Variants in JAK2 observed in about 807,000 individuals in gnomAD.
JAK2 encodes Janus kinase 2, also known as tyrosine-protein kinase JAK2.
In JAK2, 86 loss-of-function variants were observed where a neutral mutation model predicts 139.3. The observed-to-expected ratio is 0.62, with a 90% CI of 0.52 to 0.74. The LOEUF (loss-of-function observed/expected upper bound fraction) is 0.74, where lower values mean the gene tolerates loss of function less well. JAK2 is among the 30% of genes least tolerant of loss of function. The probability of loss-of-function intolerance (pLI) is 0.00; values close to 1 mark genes in which losing one functional copy is unlikely to be tolerated. For synonymous variants in JAK2, 490 were observed against 437.7 expected, an observed-to-expected ratio of 1.12 and a Z score of -1.49; for missense variants, 1,421 against 1,360.3, an observed-to-expected ratio of 1.04 and a Z score of -0.70.
intron 4 of JAK2, among the ~76,000 whole-genome samples, chr9:5,042,783 A>C (rs2130307164): frequency 6.6e-6 from 1 of 152,292 alleles, no homozygotes; most frequent in Non-Finnish European, 1.5e-5. Context: ...AGGCCTCCCC[A>C]AAACTAAAGG....
At chr9:5,007,512 G>T (rs539532209) in intron 2 of JAK2, among the ~76,000 whole-genome samples, 1 of 152,028 alleles carries the variant, frequency 6.6e-6, no homozygotes, top group African/African-American at 2.4e-5. Context: ...CAATGCATAC[G>T]TGAGTTTTTT....
rs1818056279 is a variant in JAK2 at position 5,060,112 on chromosome 9, ACAGC to A, written c.1056+4325_1056+4328del. On this transcript the variant is annotated intron_variant, in intron 8 of 24. Transcript: ENST00000381652. Reference sequence around the variant, plus strand: ...TATAATCAAGTCTACTAAGTGTGCAACAGCATTATGTCTTAAAAATTAATTTAAA... The same window carrying A: ...TATAATCAAGTCTACTAAGTGTGCAAATTATGTCTTAAAAATTAATTTAAA... Among the ~76,000 whole-genome samples, 4 of 152,230 alleles carry A rather than the reference ACAGC, an allele frequency of 2.6e-5. No individual in the cohort carries two copies. In the East Asian group the frequency reaches 7.7e-4, roughly 29 times the overall value.
intron 2 of JAK2, among the ~76,000 whole-genome samples, chr9:5,005,620 T>G (rs1019655696): frequency 1.2e-4 from 19 of 152,342 alleles, no homozygotes; most frequent in Admixed American, 5.9e-4. Flanking sequence ...CCAGTGTAAT[T>G]TTTTTCCTTT....
At chr9:5,104,638 A>AC (rs1205439917) in intron 22 of JAK2, among the ~76,000 whole-genome samples, 1 of 152,226 alleles carries the variant, frequency 6.6e-6, no homozygotes, top group Admixed American at 6.5e-5. Context: ...TCCCTGATGA[A>AC]CGTCGATGTG....
At chr9:5,040,855 G>T (rs528755105) in intron 4 of JAK2, 1 of 227,934 alleles carries the variant, frequency 4.4e-6, no homozygotes, top group African/African-American at 2.4e-5. Flanking sequence ...GCGCGAGCAG[G>T]AGAGGGGCCG....
chr9:4,990,571 G>A (rs1820184088), intron 2 of JAK2, among the ~76,000 whole-genome samples: 1 of 151,966 alleles, frequency 6.6e-6, no homozygotes, highest in South Asian at 2.1e-4. Context: ...TAATTAGCGG[G>A]TGGGTGAAAG....
rs774837906 is a variant in JAK2 at position 5,128,030 on chromosome 9, T to C, written c.*1239T>C. ...GGTTGTTCGTTGTTGTCATTTGTTA[T>C]AGTGCTACTCCACTTTAGACACCAT... On this transcript the variant is annotated 3_prime_UTR_variant, in exon 25 of 25. Coordinates refer to ENST00000381652, the MANE Select transcript of JAK2 (RefSeq NM_004972.4). 4.3e-6 allele frequency: 1 copy of C among 232,394 alleles called. No homozygotes were observed. Among genetic ancestry groups the C allele is most frequent in the Non-Finnish European group, 8.5e-6 (1 of 117,432 alleles). 14.4% of individuals were successfully genotyped at this position (232,394 alleles called of 1,614,324 possible). A position where few individuals can be genotyped will look rare whatever the true frequency, so the allele number is the denominator to read the frequency against.
At chr9:5,036,778 A>T (rs962428696) in intron 4 of JAK2, among the ~76,000 whole-genome samples, 4 of 152,228 alleles carry the variant, frequency 2.6e-5, no homozygotes, top group South Asian at 4.1e-4. Context: ...AACCTAGGCA[A>T]TACCATTCAG....
chr9:5,046,450 G>T (rs567048415), intron 5 of JAK2, among the ~76,000 whole-genome samples: 1 of 152,086 alleles, frequency 6.6e-6, no homozygotes, highest in African/African-American at 2.4e-5. Context: ...CTATGTTTTT[G>T]GTGTCATATC....
At position 5,086,220 on chromosome 9, in the gene JAK2, C is replaced by CT. The variant is rs901914076; in HGVS notation, c.2572-3454_2572-3453insT. The CT allele has an allele frequency of 2.5e-4, 151 of 600,460 alleles. 3 individuals carry two copies. The highest frequency in any genetic ancestry group is 1.2e-4 in the Admixed American group (2 of 16,114). The allele number at this position is 600,460 out of a possible 1,614,324, so 37.2% of individuals were successfully genotyped here. A position where few individuals can be genotyped will look rare whatever the true frequency, so the allele number is the denominator to read the frequency against. On this transcript the variant is annotated intron_variant, in intron 19 of 24. Coordinates refer to ENST00000381652, the MANE Select transcript of JAK2 (RefSeq NM_004972.4). ...CGCCCCCGCCACCAGCGCGAGGCCA[C>CT]GGTCGGAGTCTGAAAGTCGCGGTAG...
intron 8 of JAK2, among the ~76,000 whole-genome samples, chr9:5,060,621 T>A (rs1421474361): frequency 3.9e-5 from 6 of 152,224 alleles, no homozygotes; most frequent in Non-Finnish European, 8.8e-5. Context: ...CTAATTCTAG[T>A]TCTCTTGCTA....
rs147691469 is a variant in JAK2, at chr9:5,060,685, C to A, written c.1057-4198C>A. ...ATTGAAGTCGTGAACCCCTCAAAGT[C>A]ATCCATGAGGGTTGGAATCAACTTC... On this transcript the variant is annotated intron_variant, in intron 8 of 24. Coordinates refer to ENST00000381652, the MANE Select transcript of JAK2 (RefSeq NM_004972.4). Among the ~76,000 whole-genome samples the A allele has an allele frequency of 4.5e-3, 683 of 152,322 alleles. 1 individual carries two copies. Among genetic ancestry groups the A allele is most frequent in the Non-Finnish European group, 7.9e-3 (540 of 68,022 alleles).
At chr9:5,114,683 C>T in intron 22 of JAK2, 1 of 427,398 alleles carries the variant, frequency 2.3e-6, no homozygotes, top group East Asian at 6.1e-5. Flanking sequence ...TCTTAGTCTT[C>T]AGCTGCCTGG....
At chr9:5,036,980 A>G (rs1243087146) in intron 4 of JAK2, among the ~76,000 whole-genome samples, 2 of 152,242 alleles carry the variant, frequency 1.3e-5, no homozygotes, top group African/African-American at 4.8e-5. Flanking sequence ...AAGGGCTAAT[A>G]TCCAGAATAT....
intron 4 of JAK2, among the ~76,000 whole-genome samples, chr9:5,032,713 CAG>C (rs914091610): frequency 1.6e-4 from 24 of 152,322 alleles, no homozygotes; most frequent in Middle Eastern, 6.8e-3. Context: ...AACTAACAAA[CAG>C]AAATGACATC....
chr9:5,035,050 A>C (rs569913990), intron 4 of JAK2, among the ~76,000 whole-genome samples: 1 of 152,230 alleles, frequency 6.6e-6, no homozygotes, highest in African/African-American at 2.4e-5. Flanking sequence ...GATAAAGGGG[A>C]TATCAACCCG....
intron 4 of JAK2, chr9:5,041,590 A>T: frequency 2.0e-6 from 1 of 500,448 alleles, no homozygotes; most frequent in Non-Finnish European, 4.0e-6. Context: ...CGGCGCCTGG[A>T]CTTTGAGAAG....
At chr9:5,064,134 C>T (rs191908550) in intron 8 of JAK2, among the ~76,000 whole-genome samples, 13 of 152,096 alleles carry the variant, frequency 8.5e-5, no homozygotes, top group Admixed American at 5.9e-4. Flanking sequence ...CCAGCCTGGG[C>T]GACAGAGCAA....
intron 22 of JAK2, chr9:5,094,943 T>A (rs1047206019): frequency 6.6e-6 from 1 of 152,084 alleles, no homozygotes; most frequent in African/African-American, 2.4e-5. Flanking sequence ...TATGAAAAAA[T>A]TTCCTACCAC....
Sources: gnomAD v4.1 joint callset for allele counts (sites outside exome capture counted in the v4.1 genomes callset) on GRCh38, gnomAD v4.1.1 for gene constraint, MANE v1.5 for transcripts, NCBI Gene and HGNC (gene_info 2026-07-23, HGNC 2026-07-21) for gene names.